DLG2: variants seen among roughly 807,000 people sequenced by gnomAD.
DLG2 encodes disks large homolog 2.
Under a neutral mutation model 132.5 loss-of-function variants are expected in DLG2, and 45 were observed. The ratio of observed to expected loss-of-function variants is 0.34; its 90% CI spans 0.27 to 0.44. DLG2 has a LOEUF of 0.44. Ranked by LOEUF, DLG2 falls within the 20% of genes least tolerant of loss-of-function variation. The pLI is 1.00. For missense variants in DLG2, 1,045 were observed against 1,196.9 expected (o/e 0.87, Z 1.87); for synonymous variants, 424 against 419.6 (o/e 1.01, Z -0.13).
rs138821465 is a variant in DLG2, at chr11:83,827,965, T to C, written c.1722+5649A>G. Among the ~76,000 whole-genome samples the C allele has an allele frequency of 7.1e-4, 108 of 152,300 alleles. 1 individual carries two copies. Among genetic ancestry groups the C allele is most frequent in the African/African-American group, 2.5e-3 (105 of 41,566 alleles). On this transcript the variant is annotated intron_variant, in intron 17 of 27. Transcript: ENST00000376104. ...AAGAGAAACTAGAAAAGATCACTTA[T>C]AATACATGTATAGGATGTAGCCCAA...
chr11:83,711,999 CA>C (rs1207084854), intron 18 of DLG2, among the ~76,000 whole-genome samples: 1 of 151,876 alleles, frequency 6.6e-6, no homozygotes, highest in Non-Finnish European at 1.5e-5. Flanking sequence ...AACAAACAAA[CA>C]AACAAAAAAA....
chr11:84,082,223 A>AG lies in DLG2; in HGVS notation c.749+16699_749+16700insC, dbSNP rs1350491791. Among the ~76,000 whole-genome samples the AG allele has an allele frequency of 5.9e-5, 9 of 152,328 alleles. No homozygotes were observed. In the East Asian group the frequency reaches 1.7e-3, roughly 29 times the overall value. ...AAACTCTACAAGCCAAAATTTACAAAATATTTTTAAAGTACAATGCCTGTG... is the reference window on the plus strand; with the variant it reads ...AAACTCTACAAGCCAAAATTTACAAAGATATTTTTAAAGTACAATGCCTGTG... On this transcript the variant is annotated intron_variant, in intron 10 of 27. Transcript: ENST00000376104.
intron 6 of DLG2, among the ~76,000 whole-genome samples, chr11:84,939,704 T>C (rs1453931990): frequency 1.3e-5 from 2 of 152,202 alleles, no homozygotes; most frequent in Non-Finnish European, 2.9e-5. Context: ...CTTATTCCAC[T>C]GAACATAATG....
intron 3 of DLG2, among the ~76,000 whole-genome samples, chr11:85,533,458 C>CATATATATAT (rs34379979): frequency 3.2e-4 from 46 of 142,144 alleles, no homozygotes; most frequent in African/African-American, 1.1e-3. Context: ...ACATAAAATA[C>CATATATATAT]ATATATATAT....
chr11:84,212,816 G>C (rs879936010), intron 8 of DLG2, among the ~76,000 whole-genome samples: 1 of 152,126 alleles, frequency 6.6e-6, no homozygotes, highest in East Asian at 1.9e-4. Flanking sequence ...ATGCCACCAC[G>C]CCTGGCTAAC....
chr11:83,810,984 C>T (rs1319009859), intron 17 of DLG2, among the ~76,000 whole-genome samples: 2 of 152,054 alleles, frequency 1.3e-5, no homozygotes, highest in African/African-American at 4.8e-5. Context: ...AGTCCTGACG[C>T]TAACTGGTAT....
chr11:84,957,953 G>A (rs140830402), intron 6 of DLG2, among the ~76,000 whole-genome samples: 81 of 152,208 alleles, frequency 5.3e-4, no homozygotes, highest in African/African-American at 1.9e-3. Context: ...GAGACTGAGG[G>A]TATTAAGCTT....
chr11:84,386,750 C>T (rs918585559), intron 7 of DLG2, among the ~76,000 whole-genome samples: 3 of 152,026 alleles, frequency 2.0e-5, no homozygotes, highest in Non-Finnish European at 4.4e-5. Context: ...TTTCTCACAT[C>T]GAGGTCAAAT....
At chr11:85,068,882 C>T (rs2065340849) in intron 6 of DLG2, among the ~76,000 whole-genome samples, 1 of 152,256 alleles carries the variant, frequency 6.6e-6, no homozygotes, top group South Asian at 2.1e-4. Context: ...GGAGGCATCA[C>T]TCTACCTGAC....
intron 8 of DLG2, among the ~76,000 whole-genome samples, chr11:84,236,578 A>G (rs2097161028): frequency 6.6e-6 from 1 of 152,260 alleles, no homozygotes; most frequent in Non-Finnish European, 1.5e-5. Context: ...TGTCAGCAGA[A>G]CAACCCTTGG....
chr11:85,204,697 G>A (rs993219102), intron 4 of DLG2, among the ~76,000 whole-genome samples: 2 of 151,790 alleles, frequency 1.3e-5, no homozygotes, highest in African/African-American at 4.8e-5. Context: ...CCTAAAATTT[G>A]TATGGACACA....
intron 3 of DLG2, among the ~76,000 whole-genome samples, chr11:85,409,806 G>A (rs1484207303): frequency 6.6e-6 from 1 of 151,818 alleles, no homozygotes; most frequent in African/African-American, 2.4e-5. Flanking sequence ...AAAATGGGAA[G>A]AGAAGTACTT....
chr11:85,417,632 G>C (rs2152990026), intron 3 of DLG2, among the ~76,000 whole-genome samples: 1 of 152,204 alleles, frequency 6.6e-6, no homozygotes, highest in South Asian at 2.1e-4. Flanking sequence ...GCTTGTTATT[G>C]GTCTATTCAG....
rs1043732767 is a variant in DLG2, at chr11:85,378,748, T to C, written c.41-93383A>G. Among the ~76,000 whole-genome samples the C allele has an allele frequency of 2.0e-5, 3 of 152,182 alleles. No homozygotes were observed. In the East Asian group the frequency reaches 5.8e-4, roughly 29 times the overall value. ...CAATATTTAATACATGCCATTAAAA[T>C]ATTTTGCAGTTTAGTACTAAAACCA... On this transcript the variant is annotated intron_variant, in intron 3 of 27. Transcript: ENST00000376104.
intron 7 of DLG2, among the ~76,000 whole-genome samples, chr11:84,429,011 C>T (rs893070667): frequency 3.3e-5 from 5 of 152,220 alleles, no homozygotes; most frequent in East Asian, 1.9e-4. Context: ...AAGCCTCAAA[C>T]GCAATGCTAT....
chr11:84,287,092 CATAAA>C (rs567731361), intron 7 of DLG2, among the ~76,000 whole-genome samples: 68 of 152,244 alleles, frequency 4.5e-4, no homozygotes, highest in Non-Finnish European at 7.5e-4. Flanking sequence ...ATGCATCCAG[CATAAA>C]ATAAGTACCA....
intron 17 of DLG2, among the ~76,000 whole-genome samples, chr11:83,787,313 T>TC (rs2040225792): frequency 1.2e-5 from 1 of 84,674 alleles, no homozygotes; most frequent in Non-Finnish European, 2.2e-5. Context: ...TTAAGCCTTG[T>TC]TTTTTTTTTG....
At chr11:83,913,308 G>A (rs2076379001) in intron 15 of DLG2, among the ~76,000 whole-genome samples, 1 of 151,966 alleles carries the variant, frequency 6.6e-6, no homozygotes, top group South Asian at 2.1e-4. Flanking sequence ...CATTTCACAG[G>A]ATCACCAAAT....
At chr11:84,615,333 T>A (rs1233928746) in intron 6 of DLG2, among the ~76,000 whole-genome samples, 1 of 152,012 alleles carries the variant, frequency 6.6e-6, no homozygotes, top group Non-Finnish European at 1.5e-5. Flanking sequence ...AATACAGACA[T>A]GGACGCAAAC....
Sources: gnomAD v4.1 joint callset for allele counts (sites outside exome capture counted in the v4.1 genomes callset) on GRCh38, gnomAD v4.1.1 for gene constraint, MANE v1.5 for transcripts, NCBI Gene and HGNC (gene_info 2026-07-23, HGNC 2026-07-21) for gene names.